The following TNIK variants were observed in gnomAD, a reference collection of about 807,000 sequenced individuals.
TNIK encodes TRAF2 and NCK interacting kinase, also known as TRAF2 and NCK-interacting protein kinase.
A neutral mutation model predicts 191.3 loss-of-function variants in TNIK; 49 were observed. The ratio of observed to expected loss-of-function variants is 0.26; its 90% CI spans 0.20 to 0.32. The LOEUF is 0.32. TNIK is among the 10% of genes least tolerant of loss of function. The pLI, the probability that TNIK is intolerant of heterozygous loss-of-function variation, is 1.00. For synonymous variants in TNIK, 594 were observed against 600.9 expected (o/e 0.99, Z 0.17); for missense variants, 1,155 against 1,702.3 (o/e 0.68, Z 5.66).
intron 1 of TNIK, among the ~76,000 whole-genome samples, chr3:171,456,215 G>A (rs762852199): frequency 6.6e-6 from 1 of 152,214 alleles, no homozygotes; most frequent in Non-Finnish European, 1.5e-5. Flanking sequence ...CAGCCAAGGT[G>A]CTTAGGTCCA....
chr3:171,365,754 C>T (rs1244121392), intron 2 of TNIK, among the ~76,000 whole-genome samples: 1 of 152,176 alleles, frequency 6.6e-6, no homozygotes, highest in African/African-American at 2.4e-5. Flanking sequence ...AATATACACA[C>T]TCACAGCATC....
At chr3:171,330,597 C>T (rs1756300073) in intron 2 of TNIK, among the ~76,000 whole-genome samples, 1 of 152,102 alleles carries the variant, frequency 6.6e-6, no homozygotes, top group South Asian at 2.1e-4. Context: ...AGGAATTCTG[C>T]CTTGTAAGCT....
In TNIK at chr3:171,089,140, ATAAC is replaced by A. The variant is rs547990644; in HGVS notation, c.2722-1638_2722-1635del. On this transcript the variant is annotated intron_variant, in intron 23 of 32. Transcript: ENST00000436636. ...TTGATGTTTCCAGGAAGCTTGAGAG[ATAAC>A]TGGAAAGCCTAGTGTCCTTTGTGTT... 5.3e-5 allele frequency among the ~76,000 whole-genome samples: 8 copies of A among 152,316 alleles called. No homozygotes were observed. In the South Asian group the frequency reaches 1.7e-3, roughly 32 times the overall value.
At chr3:171,158,823 G>A (rs58015440) in intron 11 of TNIK, among the ~76,000 whole-genome samples, 7,247 of 152,212 alleles carry the variant, frequency 0.048, 548 homozygotes, top group African/African-American at 0.17. Flanking sequence ...ACTTTAGATG[G>A]GTGGTCAGAA....
intron 19 of TNIK, 134 bp downstream of exon 19, chr3:171,110,580 C>T: frequency 1.7e-6 from 2 of 1,173,414 alleles, no homozygotes; most frequent in South Asian, 1.7e-5. Flanking sequence ...GGGTTGAGAG[C>T]AGTTGACAGG....
At chr3:171,392,846 T>C (rs2108551994) in intron 1 of TNIK, among the ~76,000 whole-genome samples, 1 of 150,616 alleles carries the variant, frequency 6.6e-6, no homozygotes, top group East Asian at 1.9e-4. Context: ...GTGTATTCAA[T>C]GCATACTTTG....
chr3:171,077,517 T>C (rs1308991756), intron 28 of TNIK, among the ~76,000 whole-genome samples: 3 of 152,182 alleles, frequency 2.0e-5, no homozygotes, highest in Non-Finnish European at 4.4e-5. Flanking sequence ...AGGCTGAGTC[T>C]TCCTGCTTGG....
At chr3:171,105,973 C>T (rs1196422616) in intron 21 of TNIK, among the ~76,000 whole-genome samples, 6 of 152,208 alleles carry the variant, frequency 3.9e-5, no homozygotes. Flanking sequence ...ACACACTCTC[C>T]TCTTCCCTTT....
chr3:171,451,685 G>A (rs1728194830), intron 1 of TNIK, among the ~76,000 whole-genome samples: 1 of 152,134 alleles, frequency 6.6e-6, no homozygotes, highest in Admixed American at 6.5e-5. Context: ...AATCAGTGTG[G>A]CTAGAGTGTA....
At chr3:171,264,101 CACACACACACATATATAT>C (rs1192350389) in intron 2 of TNIK, among the ~76,000 whole-genome samples, 18 of 78,434 alleles carry the variant, frequency 2.3e-4, no homozygotes, top group African/African-American at 1.1e-3. Flanking sequence ...CACACACACA[CACACACACACATATATAT>C]ATATATATAT....
At chr3:171,185,051 G>T (rs746880582) in intron 7 of TNIK, among the ~76,000 whole-genome samples, 2 of 152,130 alleles carry the variant, frequency 1.3e-5, no homozygotes, top group Admixed American at 1.3e-4. Context: ...TAAGAGCAAG[G>T]CCTGTTTATG....
chr3:171,205,448 G>A (rs867235709), intron 4 of TNIK, among the ~76,000 whole-genome samples: 39 of 152,196 alleles, frequency 2.6e-4, no homozygotes, highest in African/African-American at 8.7e-4. Context: ...TGTAGGAGCT[G>A]TAACTTCCAC....
intron 2 of TNIK, among the ~76,000 whole-genome samples, chr3:171,361,367 C>T (rs994138328): frequency 7.9e-5 from 12 of 152,234 alleles, no homozygotes; most frequent in African/African-American, 2.7e-4. Context: ...ACAGGTTCAA[C>T]TACCTAGTAG....
chr3:171,093,065 AG>A, intron 23 of TNIK, among the ~76,000 whole-genome samples: 1 of 152,382 alleles, frequency 6.6e-6, no homozygotes, highest in Middle Eastern at 3.4e-3. Context: ...GGGAGAGGTC[AG>A]GTAACATTTG....
chr3:171,227,962 G>A (rs773446900), intron 3 of TNIK, among the ~76,000 whole-genome samples: 1 of 152,122 alleles, frequency 6.6e-6, no homozygotes, highest in Non-Finnish European at 1.5e-5. Flanking sequence ...AAATGACTTT[G>A]CCCAACTGTA....
intron 28 of TNIK, among the ~76,000 whole-genome samples, chr3:171,077,738 A>G (rs1456852133): frequency 6.6e-6 from 1 of 151,814 alleles, no homozygotes; most frequent in Non-Finnish European, 1.5e-5. Context: ...TTCAGCCTGT[A>G]TAGTATAGTC....
At chr3:171,290,088 G>T (rs1290357257) in intron 2 of TNIK, among the ~76,000 whole-genome samples, 1 of 152,102 alleles carries the variant, frequency 6.6e-6, no homozygotes, top group African/African-American at 2.4e-5. Flanking sequence ...ATGTTTTTAG[G>T]ATAGAAGTAG....
At chr3:171,252,023 C>CTACTT (rs59920519) in intron 2 of TNIK, among the ~76,000 whole-genome samples, 84,386 of 151,210 alleles carry the variant, frequency 0.56, 24,157 homozygotes, top group African/African-American at 0.68. Context: ...GTGCAATTCT[C>CTACTT]TAAGGTAAAT....
intron 12 of TNIK, among the ~76,000 whole-genome samples, chr3:171,145,815 G>T (rs1731493320): frequency 7.0e-6 from 1 of 142,224 alleles, no homozygotes; most frequent in South Asian, 2.2e-4. Flanking sequence ...GCTCTTCTTA[G>T]ATTACTTTAG....
Sources: gnomAD v4.1 joint callset for allele counts (sites outside exome capture counted in the v4.1 genomes callset) on GRCh38, gnomAD v4.1.1 for gene constraint, MANE v1.5 for transcripts, NCBI Gene and HGNC (gene_info 2026-07-23, HGNC 2026-07-21) for gene names.